DAPK1: variants seen among roughly 807,000 people sequenced by gnomAD.
The protein encoded by DAPK1 is death associated protein kinase 1.
DAPK1 carries 56 observed loss-of-function variants against 144.9 expected under a neutral mutation model. The ratio of observed to expected loss-of-function variants is 0.39; its 90% CI spans 0.31 to 0.48. DAPK1 has a LOEUF of 0.48. Ranked by LOEUF, DAPK1 falls within the 20% of genes least tolerant of loss-of-function variation. The probability of loss-of-function intolerance (pLI) is 0.95; values close to 1 mark genes in which losing one functional copy is unlikely to be tolerated. For synonymous variants in DAPK1, 690 were observed against 749.0 expected, an observed-to-expected ratio of 0.92 and a Z score of 1.29; for missense variants, 1,454 against 1,875.4, an observed-to-expected ratio of 0.78 and a Z score of 4.15.
rs373276227 is a variant in DAPK1, at chr9:87,651,676, C to T, written c.1776C>T (p.Ile592=). The T allele has an allele frequency of 4.6e-5, 75 of 1,614,066 alleles. No homozygotes were observed. The highest frequency in any genetic ancestry group is 5.8e-5 in the Non-Finnish European group (68 of 1,180,038). Residue 592 remains isoleucine (I), a synonymous_variant, in exon 17 of 26, where the codon ATC becomes ATT. Coordinates refer to ENST00000408954, the MANE Select transcript of DAPK1 (RefSeq NM_004938.4). ...CATGTAAAGATGGCAACATGCCTATCGTGGTGGCCCTCTGTGAAGCAAACT... is the reference window on the plus strand; with the variant it reads ...CATGTAAAGATGGCAACATGCCTATTGTGGTGGCCCTCTGTGAAGCAAACT... The part of the protein sequence containing the change: ...HVACKDGNMP[I]VVALCEANCN...
chr9:87,646,440 T>C (rs1190488392), intron 12 of DAPK1, 21 bp from the exon 13 acceptor site: 1 of 1,581,304 alleles, frequency 6.3e-7, no homozygotes, highest in Non-Finnish European at 8.7e-7. Flanking sequence ...AAATTAGTAA[T>C]TTTTTTCTTG....
chr9:87,600,240 G>C (rs551645910), intron 2 of DAPK1, among the ~76,000 whole-genome samples: 36 of 152,294 alleles, frequency 2.4e-4, no homozygotes, highest in African/African-American at 7.5e-4. Flanking sequence ...CACGATCCGT[G>C]CATGTCCACA....
chr9:87,671,624 C>A lies in DAPK1; in HGVS notation c.2001+2950C>A, dbSNP rs541226619. ...CCGGTGATCCTCTTGCCTCAGCCTC[C>A]CAAGTAGCTAGGACTACAGGCACGT... On this transcript the variant is annotated intron_variant, in intron 19 of 25. Transcript: ENST00000408954. 9.9e-4 allele frequency among the ~76,000 whole-genome samples: 151 copies of A among 152,154 alleles called. 1 individual carries two copies. Among genetic ancestry groups the A allele is most frequent in the African/African-American group, 3.5e-3 (146 of 41,522 alleles).
chr9:87,643,225 G>T, intron 10 of DAPK1, 151 bp from the exon 11 acceptor site: 1 of 559,430 alleles, frequency 1.8e-6, no homozygotes, highest in Non-Finnish European at 3.2e-6. Flanking sequence ...GCCCACCCTG[G>T]GAGAGTGTGT....
intron 2 of DAPK1, among the ~76,000 whole-genome samples, chr9:87,541,584 A>G (rs1033575661): frequency 6.6e-6 from 1 of 151,860 alleles, no homozygotes; most frequent in Admixed American, 6.6e-5. Context: ...GAAAGACTTT[A>G]TAGGCTGTTG....
chr9:87,543,962 A>G (rs1191401260), intron 2 of DAPK1, among the ~76,000 whole-genome samples: 1 of 152,206 alleles, frequency 6.6e-6, no homozygotes, highest in Non-Finnish European at 1.5e-5. Flanking sequence ...TAATAAAGGT[A>G]GAAATTGTAA....
rs190008769 is a variant in DAPK1 at position 87,565,017 on chromosome 9, A to G, written c.63-39937A>G. Among the ~76,000 whole-genome samples the G allele has an allele frequency of 5.2e-3, 785 of 152,280 alleles. 24 individuals are homozygous for G. Among genetic ancestry groups the G allele is most frequent in the Admixed American group, 0.047 (720 of 15,288 alleles). ...AGTGGGTTTCACTGTGTCTGGGAAA[A>G]CACAGTGAAAACCAGGAAGACCCTA... On this transcript the variant is annotated intron_variant, in intron 2 of 25. Coordinates refer to ENST00000408954, the MANE Select transcript of DAPK1 (RefSeq NM_004938.4).
chr9:87,669,400 C>G (rs1831175672), intron 19 of DAPK1, among the ~76,000 whole-genome samples: 1 of 151,956 alleles, frequency 6.6e-6, no homozygotes, highest in Non-Finnish European at 1.5e-5. Context: ...GTAATAATCT[C>G]TACTATGTTA....
intron 3 of DAPK1, among the ~76,000 whole-genome samples, chr9:87,629,987 A>T (rs1829614859): frequency 6.6e-6 from 1 of 152,124 alleles, no homozygotes; most frequent in South Asian, 2.1e-4. Context: ...GGGAGCCCAA[A>T]CTAGCCCAGA....
intron 2 of DAPK1, among the ~76,000 whole-genome samples, chr9:87,535,484 G>A (rs960334562): frequency 2.0e-5 from 3 of 152,156 alleles, no homozygotes; most frequent in African/African-American, 7.2e-5. Flanking sequence ...GTCTGTATGG[G>A]ATCCTAATTT....
chr9:87,689,276 T>G (rs1824971284), intron 21 of DAPK1, among the ~76,000 whole-genome samples: 1 of 152,168 alleles, frequency 6.6e-6, no homozygotes, highest in Non-Finnish European at 1.5e-5. Context: ...GGTTATCTAT[T>G]CTGTTCCACT....
chr9:87,504,090 G>GT (rs910767128), intron 2 of DAPK1, among the ~76,000 whole-genome samples: 7 of 152,174 alleles, frequency 4.6e-5, no homozygotes, highest in African/African-American at 1.7e-4. Flanking sequence ...TTTCTGGCAT[G>GT]TTTTTTCTTC....
At chr9:87,674,030 C>T (rs1824270466) in intron 19 of DAPK1, among the ~76,000 whole-genome samples, 1 of 152,156 alleles carries the variant, frequency 6.6e-6, no homozygotes, top group African/African-American at 2.4e-5. Flanking sequence ...AAAGGAGGGA[C>T]CCCTTCTATG....
intron 21 of DAPK1, among the ~76,000 whole-genome samples, chr9:87,691,276 G>A (rs559614965): frequency 5.3e-5 from 8 of 151,854 alleles, no homozygotes; most frequent in African/African-American, 9.7e-5. Context: ...TCCAGTTAGC[G>A]TATAGTTGTT....
chr9:87,657,975 T>A, intron 17 of DAPK1, 54 bp from the exon 18 acceptor site: 2 of 745,276 alleles, frequency 2.7e-6, no homozygotes, highest in East Asian at 2.6e-5. Flanking sequence ...CGGAATGTCA[T>A]CCTCAGCAAC....
At chr9:87,617,728 C>A (rs148707938) in intron 3 of DAPK1, among the ~76,000 whole-genome samples, 120 of 152,290 alleles carry the variant, frequency 7.9e-4, no homozygotes, top group African/African-American at 2.6e-3. Context: ...CTCTGGAGCC[C>A]TACAGTTGCT....
chr9:87,703,880 T>G (rs974436150), intron 25 of DAPK1, among the ~76,000 whole-genome samples: 3 of 152,228 alleles, frequency 2.0e-5, no homozygotes, highest in African/African-American at 7.2e-5. Context: ...GGCAGTGCCT[T>G]CGTGTTTCTC....
chr9:87,610,749 G>T (rs1018862717), intron 3 of DAPK1, among the ~76,000 whole-genome samples: 1 of 152,220 alleles, frequency 6.6e-6, no homozygotes, highest in Non-Finnish European at 1.5e-5. Context: ...GCCCCACCCC[G>T]AAGGGACAGC....
chr9:87,612,058 G>C, intron 3 of DAPK1, among the ~76,000 whole-genome samples: 1 of 152,176 alleles, frequency 6.6e-6, no homozygotes, highest in South Asian at 2.1e-4. Context: ...AAAAGGCATC[G>C]CGTGGCAAGA....
Sources: gnomAD v4.1 joint callset for allele counts (sites outside exome capture counted in the v4.1 genomes callset) on GRCh38, gnomAD v4.1.1 for gene constraint, MANE v1.5 for transcripts, NCBI Gene and HGNC (gene_info 2026-07-23, HGNC 2026-07-21) for gene names.